Variants in PTPN13 observed in about 807,000 individuals in gnomAD.
The protein encoded by PTPN13 is protein tyrosine phosphatase non-receptor type 13, also known as tyrosine-protein phosphatase non-receptor type 13.
PTPN13 carries 191 observed loss-of-function variants against 284.0 expected under a neutral mutation model. The observed-to-expected ratio is 0.67, with a 90% CI of 0.60 to 0.76. The LOEUF (loss-of-function observed/expected upper bound fraction) is 0.76, where lower values mean the gene tolerates loss of function less well. Among genes scored for constraint, PTPN13 ranks in the 30% least tolerant of loss-of-function variants. The pLI is 0.00. For missense variants in PTPN13, 2,797 were observed against 2,939.9 expected (o/e 0.95, Z 1.12); for synonymous variants, 986 against 1,022.3 (o/e 0.96, Z 0.68).
chr4:86,680,405 A>G (rs1395573285), intron 3 of PTPN13, among the ~76,000 whole-genome samples: 2 of 144,414 alleles, frequency 1.4e-5, no homozygotes, highest in African/African-American at 2.6e-5. Flanking sequence ...ATCTATCTCT[A>G]TCTCTATCTC....
chr4:86,693,965 T>C (rs760487543), intron 6 of PTPN13, among the ~76,000 whole-genome samples: 7 of 152,092 alleles, frequency 4.6e-5, no homozygotes, highest in Non-Finnish European at 8.8e-5. Context: ...TCGTGGTATT[T>C]CATATTAAAA....
At chr4:86,640,920 A>G (rs1723711893) in intron 2 of PTPN13, among the ~76,000 whole-genome samples, 1 of 152,194 alleles carries the variant, frequency 6.6e-6, no homozygotes, top group South Asian at 2.1e-4. Context: ...TAATTCACAG[A>G]GTATTATCAG....
At chr4:86,596,671 T>G (rs1205455532) in intron 1 of PTPN13, among the ~76,000 whole-genome samples, 4 of 152,200 alleles carry the variant, frequency 2.6e-5, no homozygotes, top group Admixed American at 6.5e-5. Flanking sequence ...CTTTAATGTG[T>G]TAAGGATTGG....
At chr4:86,659,841 GA>G (rs574487634) in intron 2 of PTPN13, among the ~76,000 whole-genome samples, 7,069 of 125,288 alleles carry the variant, frequency 0.056, 218 homozygotes, top group African/African-American at 0.073. Flanking sequence ...AACAACAACA[GA>G]AAAAAAAAAA....
chr4:86,680,852 C>G (rs1229532907), intron 3 of PTPN13, among the ~76,000 whole-genome samples: 6 of 152,174 alleles, frequency 3.9e-5, no homozygotes, highest in Non-Finnish European at 8.8e-5. Flanking sequence ...GCCTTTCTCC[C>G]TGTTTTCAGG....
chr4:86,624,622 A>G (rs1427962871), intron 1 of PTPN13, among the ~76,000 whole-genome samples: 1 of 152,152 alleles, frequency 6.6e-6, no homozygotes, highest in East Asian at 1.9e-4. Context: ...CTTAGAATTG[A>G]TTAACATCAT....
chr4:86,633,966 AT>A (rs1722744022), intron 1 of PTPN13, among the ~76,000 whole-genome samples: 1 of 152,142 alleles, frequency 6.6e-6, no homozygotes, highest in South Asian at 2.1e-4. Context: ...TAACTTTCAC[AT>A]TGTGTATATA....
intron 1 of PTPN13, among the ~76,000 whole-genome samples, chr4:86,615,815 A>G (rs1720481591): frequency 6.6e-6 from 1 of 152,150 alleles, no homozygotes; most frequent in Non-Finnish European, 1.5e-5. Context: ...CCAGATGGCA[A>G]ATGTTTTAAC....
intron 10 of PTPN13, among the ~76,000 whole-genome samples, chr4:86,731,473 C>G (rs1286278418): frequency 6.6e-6 from 1 of 152,164 alleles, no homozygotes; most frequent in Non-Finnish European, 1.5e-5. Context: ...TTGCTGGGGA[C>G]ATTGGCAGGG....
chr4:86,722,523 C>A (rs1047080102), intron 10 of PTPN13, 89 bp downstream of exon 10: 8 of 1,018,324 alleles, frequency 7.9e-6, no homozygotes, highest in Middle Eastern at 2.2e-4. Context: ...CTACAGGTAT[C>A]CATCTAAAGT....
At chr4:86,640,453 T>C (rs932597298) in intron 2 of PTPN13, among the ~76,000 whole-genome samples, 3 of 152,210 alleles carry the variant, frequency 2.0e-5, no homozygotes, top group Non-Finnish European at 4.4e-5. Flanking sequence ...AAATACCTTC[T>C]ACTTGTGAGG....
chr4:86,658,711 G>A (rs1022301058), intron 2 of PTPN13, among the ~76,000 whole-genome samples: 1 of 152,100 alleles, frequency 6.6e-6, no homozygotes, highest in Non-Finnish European at 1.5e-5. Context: ...AAGAGGATAG[G>A]AAACAGAACA....
chr4:86,776,254 A>T (rs1211345638), intron 35 of PTPN13, among the ~76,000 whole-genome samples: 1 of 152,130 alleles, frequency 6.6e-6, no homozygotes, highest in Non-Finnish European at 1.5e-5. Flanking sequence ...CCCGAAATTT[A>T]TTGGTTTATA....
At chr4:86,620,521 A>G (rs1022679820) in intron 1 of PTPN13, among the ~76,000 whole-genome samples, 2 of 152,214 alleles carry the variant, frequency 1.3e-5, no homozygotes, top group Admixed American at 6.5e-5. Flanking sequence ...CAGTACACAT[A>G]TGGGTTATTT....
intron 41 of PTPN13, 59 bp from the exon 42 acceptor site, chr4:86,799,042 C>A (rs1265892215): frequency 2.1e-6 from 2 of 971,396 alleles, no homozygotes; most frequent in Non-Finnish European, 3.1e-6. Flanking sequence ...CATTCAGGGC[C>A]ATGTTTAATT....
intron 3 of PTPN13, among the ~76,000 whole-genome samples, chr4:86,682,184 A>G (rs1728970451): frequency 6.6e-6 from 1 of 152,172 alleles, no homozygotes; most frequent in Admixed American, 6.5e-5. Flanking sequence ...CTATACATGC[A>G]TGTCATCTAG....
chr4:86,764,764 A>G (rs1409839399), intron 25 of PTPN13, 40 bp downstream of exon 25: 1 of 1,572,642 alleles, frequency 6.4e-7, no homozygotes, highest in South Asian at 1.2e-5. Flanking sequence ...TCTCTTCTTT[A>G]ATTTCCAGCA....
In PTPN13 at chr4:86,722,362, C is replaced by T. The variant is rs1733768183; in HGVS notation, c.1536C>T (p.Ser512=). ...ATCCAGGAGACACAATCAAAGCGTC[C>T]ATGCTTGACATCACCAGGGATCCGT... ...SLYPGDTIKA[S]MLDITRDPLR... Residue 512 remains serine, a synonymous_variant, in exon 10 of 48, where the codon TCC becomes TCT. Coordinates refer to ENST00000411767, the MANE Select transcript of PTPN13 (RefSeq NM_080683.3). 2 of 1,613,598 alleles carry T rather than the reference C, an allele frequency of 1.2e-6. No homozygotes were observed. The highest frequency in any genetic ancestry group is 8.5e-7 in the Non-Finnish European group (1 of 1,179,790).
At chr4:86,616,111 A>C (rs1030686014) in intron 1 of PTPN13, among the ~76,000 whole-genome samples, 1 of 152,206 alleles carries the variant, frequency 6.6e-6, no homozygotes, top group South Asian at 2.1e-4. Context: ...ATTTATTGAG[A>C]ATCTGTTGTG....
Sources: gnomAD v4.1 joint callset for allele counts (sites outside exome capture counted in the v4.1 genomes callset) on GRCh38, gnomAD v4.1.1 for gene constraint, MANE v1.5 for transcripts, NCBI Gene and HGNC (gene_info 2026-07-23, HGNC 2026-07-21) for gene names.